CSGALNACT1: variants seen among roughly 807,000 people sequenced by gnomAD.
CSGALNACT1 encodes chondroitin sulfate N-acetylgalactosaminyltransferase 1.
Under a neutral mutation model 51.0 loss-of-function variants are expected in CSGALNACT1, and 52 were observed. That is an observed-to-expected ratio of 1.02 (90% CI 0.82 to 1.29). The LOEUF (loss-of-function observed/expected upper bound fraction) is 1.29, where lower values mean the gene tolerates loss of function less well. Among genes scored for constraint, CSGALNACT1 ranks in the 50% most tolerant of loss-of-function variants. The pLI is 0.00. For missense variants in CSGALNACT1, 935 were observed against 679.2 expected (o/e 1.38, Z -4.19); for synonymous variants, 341 against 254.4 (o/e 1.34, Z -3.24).
At chr8:19,686,305 A>C (rs2060972846), upstream of CSGALNACT1, among the ~76,000 whole-genome samples, 1 of 152,192 alleles carries the variant, frequency 6.6e-6, no homozygotes, top group Non-Finnish European at 1.5e-5. Context: ...ACCAGCTTAG[A>C]GGAAAAAAAA....
chr8:19,709,159 G>A (rs1049076902), intron 1 of CSGALNACT1, among the ~76,000 whole-genome samples: 15 of 152,168 alleles, frequency 9.9e-5, no homozygotes, highest in African/African-American at 3.1e-4. Flanking sequence ...CCTGTGTTCC[G>A]ATTACATACT....
At chr8:19,693,899 A>C (rs763358207) in intron 1 of CSGALNACT1, among the ~76,000 whole-genome samples, 6 of 152,134 alleles carry the variant, frequency 3.9e-5, no homozygotes, top group Admixed American at 1.3e-4. Flanking sequence ...ATCTCAATAC[A>C]TATTTTCTAT....
chr8:19,649,850 G>A (rs1043519453), intron 1 of CSGALNACT1, among the ~76,000 whole-genome samples: 40 of 21,798 alleles, frequency 1.8e-3, no homozygotes, highest in African/African-American at 4.1e-3. Context: ...AAAAAACCAC[G>A]GGGGGAGGCA....
At chr8:19,437,360 C>T (rs187197930) in intron 6 of CSGALNACT1, among the ~76,000 whole-genome samples, 2 of 152,200 alleles carry the variant, frequency 1.3e-5, no homozygotes, top group East Asian at 3.9e-4. Flanking sequence ...GTCGTAAAGA[C>T]AGGATTAGAA....
chr8:19,565,104 AAAATATC>A (rs1436746864), intron 3 of CSGALNACT1, among the ~76,000 whole-genome samples: 4 of 152,254 alleles, frequency 2.6e-5, no homozygotes, highest in African/African-American at 9.6e-5. Flanking sequence ...TCCTTGCTGA[AAAATATC>A]CTTTTCCTAC....
intron 3 of CSGALNACT1, among the ~76,000 whole-genome samples, chr8:19,510,046 GT>G (rs760143882): frequency 1.3e-5 from 2 of 152,068 alleles, no homozygotes; most frequent in Non-Finnish European, 2.9e-5. Context: ...CATAATTCCC[GT>G]TTTTTGTTTT....
At chr8:19,602,490 G>C (rs990637414) in exon 1 of CSGALNACT1, 1 of 152,462 alleles carries the variant, frequency 6.6e-6, no homozygotes, top group Non-Finnish European at 1.5e-5. Context: ...AGGACCGAGC[G>C]CATCTGCCCA....
At chr8:19,599,543 G>A (rs1324958249) in intron 2 of CSGALNACT1, among the ~76,000 whole-genome samples, 4 of 135,020 alleles carry the variant, frequency 3.0e-5, no homozygotes, top group Non-Finnish European at 6.6e-5. Flanking sequence ...GAAAAAGAAG[G>A]AAAGAAAGAA....
chr8:19,418,848 A>C, intron 7 of CSGALNACT1, 98 bp from the exon 7 acceptor site: 1 of 827,378 alleles, frequency 1.2e-6, no homozygotes, highest in South Asian at 1.4e-5. Context: ...AGATATTTGC[A>C]CCCACTTTTT....
At chr8:19,449,776 A>G (rs2062766843) in intron 5 of CSGALNACT1, among the ~76,000 whole-genome samples, 1 of 91,026 alleles carries the variant, frequency 1.1e-5, no homozygotes, top group East Asian at 7.7e-4. Context: ...GAAGCAGTCA[A>G]AATAAAAAAA....
At chr8:19,656,604 AC>A (rs1170782506) in intron 1 of CSGALNACT1, among the ~76,000 whole-genome samples, 1 of 138,620 alleles carries the variant, frequency 7.2e-6, no homozygotes, top group Non-Finnish European at 1.6e-5. Context: ...CCCCCCCCAC[AC>A]ACACACACGA....
chr8:19,617,764 A>G (rs750174251), intron 1 of CSGALNACT1, among the ~76,000 whole-genome samples: 1 of 152,236 alleles, frequency 6.6e-6, no homozygotes, highest in East Asian at 1.9e-4. Flanking sequence ...ACATGTTAGG[A>G]TATCTTAAAA....
intron 1 of CSGALNACT1, among the ~76,000 whole-genome samples, chr8:19,659,390 ACT>A (rs1190606165): frequency 6.6e-6 from 1 of 152,064 alleles, no homozygotes; most frequent in Non-Finnish European, 1.5e-5. Flanking sequence ...TGCTGTCCAC[ACT>A]CTCTTTGCAT....
chr8:19,692,179 C>G (rs1439126781), intron 1 of CSGALNACT1, among the ~76,000 whole-genome samples: 1 of 152,144 alleles, frequency 6.6e-6, no homozygotes, highest in Non-Finnish European at 1.5e-5. Flanking sequence ...CTGGTCCCTC[C>G]CTCGACACAC....
At chr8:19,653,217 T>C (rs1205139523) in intron 1 of CSGALNACT1, among the ~76,000 whole-genome samples, 1 of 152,172 alleles carries the variant, frequency 6.6e-6, no homozygotes, top group Non-Finnish European at 1.5e-5. Flanking sequence ...ACATTCCCAA[T>C]GGATGGTCAC....
At chr8:19,644,132 T>C (rs1384039069) in intron 1 of CSGALNACT1, among the ~76,000 whole-genome samples, 1 of 152,182 alleles carries the variant, frequency 6.6e-6, no homozygotes, top group Non-Finnish European at 1.5e-5. Context: ...ATAGAAAATT[T>C]GTGATATATG....
chr8:19,741,308 T>C (rs2064298738), intron 1 of CSGALNACT1, among the ~76,000 whole-genome samples: 1 of 152,108 alleles, frequency 6.6e-6, no homozygotes, highest in East Asian at 1.9e-4. Context: ...CTTACGCCTG[T>C]AATTCCAGCA....
intron 4 of CSGALNACT1, among the ~76,000 whole-genome samples, chr8:19,486,530 C>T (rs973135467): frequency 6.6e-6 from 1 of 152,136 alleles, no homozygotes. Flanking sequence ...CTGCACACTG[C>T]CCCTCGAAGC....
chr8:19,603,385 G>A (rs77946545), upstream of CSGALNACT1, among the ~76,000 whole-genome samples: 858 of 152,298 alleles, frequency 5.6e-3, 5 homozygotes, highest in Non-Finnish European at 9.5e-3. Flanking sequence ...CTGTTGGAGA[G>A]GGTTGCCGAC....
Sources: allele counts gnomAD v4.1 joint callset (sites outside exome capture counted in the v4.1 genomes callset), GRCh38; gene constraint gnomAD v4.1.1; transcripts MANE v1.5; gene names NCBI Gene and HGNC (gene_info 2026-07-23, HGNC 2026-07-21).